The following ADAMTS17 variants were observed in gnomAD, a reference collection of about 807,000 sequenced individuals.
The protein encoded by ADAMTS17 is ADAM metallopeptidase with thrombospondin type 1 motif 17.
ADAMTS17 carries 113 observed loss-of-function variants against 141.5 expected under a neutral mutation model. The ratio of observed to expected loss-of-function variants is 0.80; its 90% confidence interval spans 0.69 to 0.93. The LOEUF (loss-of-function observed/expected upper bound fraction) is 0.93. Ranked by LOEUF, ADAMTS17 falls within the 40% of genes least tolerant of loss-of-function variation. The pLI is 0.00. For synonymous variants in ADAMTS17, 768 were observed against 630.6 expected, an observed-to-expected ratio of 1.22 and a Z score of -3.27; for missense variants, 1,659 against 1,517.9, an observed-to-expected ratio of 1.09 and a Z score of -1.54.
intron 18 of ADAMTS17, among the ~76,000 whole-genome samples, chr15:100,025,597 A>G (rs552721069): frequency 1.3e-5 from 2 of 151,958 alleles, no homozygotes; most frequent in East Asian, 1.9e-4. Flanking sequence ...TATTTTTAGT[A>G]GAGACAGGGT....
chr15:100,012,098 T>C (rs893931263), intron 18 of ADAMTS17, among the ~76,000 whole-genome samples: 12 of 152,190 alleles, frequency 7.9e-5, no homozygotes, highest in Non-Finnish European at 1.2e-4. Context: ...GCAGTAGTAA[T>C]GGGGTATCGC....
At chr15:100,057,674 A>C (rs2032703065) in intron 15 of ADAMTS17, among the ~76,000 whole-genome samples, 2 of 152,168 alleles carry the variant, frequency 1.3e-5, no homozygotes, top group Non-Finnish European at 2.9e-5. Flanking sequence ...TGAACCCCAC[A>C]GTTCCAGGCA....
intron 15 of ADAMTS17, among the ~76,000 whole-genome samples, chr15:100,068,251 C>G (rs1015471891): frequency 6.6e-6 from 1 of 152,134 alleles, no homozygotes; most frequent in Admixed American, 6.5e-5. Context: ...ACAAAGCCAC[C>G]GGGAAGCTCG....
intron 13 of ADAMTS17, among the ~76,000 whole-genome samples, chr15:100,112,592 C>T (rs1386010189): frequency 6.6e-6 from 1 of 152,126 alleles, no homozygotes; most frequent in Non-Finnish European, 1.5e-5. Context: ...TGGTGGGATT[C>T]AGCTTTGCAC....
chr15:100,091,194 C>T lies in ADAMTS17; in HGVS notation c.2137+5162G>A, dbSNP rs183082029. Among the ~76,000 whole-genome samples, 205 of 151,780 alleles carry T rather than the reference C, an allele frequency of 1.4e-3. 1 individual carries two copies. The highest frequency in any genetic ancestry group is 4.8e-3 in the African/African-American group (200 of 41,408). ...GCCACCAAGAAGGGAAAGAGTACCA[C>T]CACCAAGTCCCAAAGCACCCTGGCG... is the stretch of plus-strand genomic sequence containing the variant. On this transcript the variant is annotated intron_variant, in intron 15 of 21. Transcript: ENST00000268070.
chr15:100,322,630 G>T (rs1450112531), intron 3 of ADAMTS17, among the ~76,000 whole-genome samples: 1 of 152,174 alleles, frequency 6.6e-6, no homozygotes, highest in Non-Finnish European at 1.5e-5. Flanking sequence ...CCAGATGTTA[G>T]AATAGCAGAC....
chr15:100,020,028 G>A lies in ADAMTS17; in HGVS notation c.2592-22439C>T, dbSNP rs535621973. Among the ~76,000 whole-genome samples the A allele has an allele frequency of 1.3e-3, 196 of 152,118 alleles. 6 individuals carry two copies. In the South Asian group the frequency reaches 0.037, roughly 29 times the overall value. On this transcript the variant is annotated intron_variant, in intron 18 of 21. Transcript: ENST00000268070. ...AAAAAGACTCCCAAAGCATAATGAC[G>A]TGGCATAGTTTTCCCAGGACAGCAG...
intron 7 of ADAMTS17, among the ~76,000 whole-genome samples, chr15:100,245,889 G>C (rs1460614067): frequency 6.6e-6 from 1 of 152,324 alleles, no homozygotes; most frequent in African/African-American, 2.4e-5. Flanking sequence ...GTAAAGGTGT[G>C]TGTGTACGTG....
intron 7 of ADAMTS17, among the ~76,000 whole-genome samples, chr15:100,212,900 G>A (rs1368523312): frequency 2.6e-5 from 4 of 151,990 alleles, no homozygotes; most frequent in Admixed American, 6.6e-5. Flanking sequence ...ATAGGGTGAC[G>A]CGTACCTTTT....
At chr15:100,102,393 C>A (rs1332517271) in intron 14 of ADAMTS17, among the ~76,000 whole-genome samples, 2 of 95,960 alleles carry the variant, frequency 2.1e-5, no homozygotes, top group Non-Finnish European at 4.0e-5. Flanking sequence ...GAGGGCCGAC[C>A]GAAGGGGATC....
At chr15:100,189,320 G>C (rs1168191242) in intron 8 of ADAMTS17, among the ~76,000 whole-genome samples, 1 of 152,240 alleles carries the variant, frequency 6.6e-6, no homozygotes, top group Non-Finnish European at 1.5e-5. Context: ...ATGGAGCGGG[G>C]CTTTGCGAGC....
intron 18 of ADAMTS17, among the ~76,000 whole-genome samples, chr15:100,032,726 A>G (rs186546356): frequency 1.1e-4 from 16 of 152,340 alleles, no homozygotes; most frequent in African/African-American, 3.6e-4. Flanking sequence ...TGTAAGATTT[A>G]AAGGAGGAAA....
At chr15:100,131,944 G>A (rs2038066107) in intron 12 of ADAMTS17, 63 bp downstream of exon 12, 6 of 1,610,056 alleles carry the variant, frequency 3.7e-6, no homozygotes, top group South Asian at 3.3e-5. Flanking sequence ...GTGAGGCAGC[G>A]AGAGCTGCTG....
chr15:100,035,398 G>A (rs115957652), intron 18 of ADAMTS17, among the ~76,000 whole-genome samples: 2,486 of 152,236 alleles, frequency 0.016, 64 homozygotes, highest in African/African-American at 0.054. Context: ...TATTATCGAG[G>A]AAAGACTTAC....
chr15:100,136,960 G>A (rs1001921643), intron 10 of ADAMTS17, among the ~76,000 whole-genome samples: 1 of 152,194 alleles, frequency 6.6e-6, no homozygotes, highest in African/African-American at 2.4e-5. Context: ...ACAGGCACTG[G>A]AGTGAGTGAT....
intron 20 of ADAMTS17, among the ~76,000 whole-genome samples, chr15:99,989,376 C>T (rs2060649872): frequency 6.6e-6 from 1 of 152,260 alleles, no homozygotes; most frequent in Non-Finnish European, 1.5e-5. Context: ...CAGGCGCCAA[C>T]AATAGTACAG....
At position 100,281,254 on chromosome 15, in the gene ADAMTS17, C is replaced by A. The variant is rs757929693; in HGVS notation, c.764G>T (p.Arg255Met). ...VQYHGAEAAQ[R>M]FILTVMNMVY... Reference sequence around the variant, plus strand: ...CATGTTCATGACGGTCAGGATGAACCTCTGGGCGGCCTCGGCCCCGTGGTA... The same window carrying A: ...CATGTTCATGACGGTCAGGATGAACATCTGGGCGGCCTCGGCCCCGTGGTA... Residue 255 changes from arginine to methionine, a missense_variant, in exon 4 of 22, where the codon AGG becomes ATG. Transcript: ENST00000268070. 1 of 1,606,722 alleles carries A rather than the reference C, an allele frequency of 6.2e-7. No homozygotes were observed. Among genetic ancestry groups the A allele is most frequent in the South Asian group, 1.1e-5 (1 of 91,052 alleles).
In ADAMTS17 at chr15:100,153,743, G is replaced by A. The variant is rs576920060; in HGVS notation, c.1323-981C>T. Among the ~76,000 whole-genome samples the A allele has an allele frequency of 2.0e-5, 3 of 152,310 alleles. No homozygotes were observed. The East Asian group carries it at 5.8e-4, about 29-fold the overall frequency. On this transcript the variant is annotated intron_variant, in intron 9 of 21. Transcript: ENST00000268070. Reference sequence around the variant, plus strand: ...TTTTATTTCTCAATTTCTAAAGGCAGATGGTTTAAGGCAGAAAACCCAGTC... The same window carrying A: ...TTTTATTTCTCAATTTCTAAAGGCAAATGGTTTAAGGCAGAAAACCCAGTC...
intron 15 of ADAMTS17, among the ~76,000 whole-genome samples, chr15:100,067,799 G>C (rs952051850): frequency 1.3e-5 from 2 of 152,188 alleles, no homozygotes; most frequent in African/African-American, 4.8e-5. Context: ...AATAGGAACA[G>C]CTCCAGTCTA....
Sources: allele counts gnomAD v4.1 joint callset (sites outside exome capture counted in the v4.1 genomes callset), GRCh38; gene constraint gnomAD v4.1.1; transcripts MANE v1.5; gene names NCBI Gene and HGNC (gene_info 2026-07-23, HGNC 2026-07-21).